Variants in SGCZ observed in about 807,000 individuals in gnomAD.
SGCZ encodes zeta-sarcoglycan.
A neutral mutation model predicts 41.3 loss-of-function variants in SGCZ; 40 were observed. That is an observed-to-expected ratio of 0.97 (90% CI 0.75 to 1.26). SGCZ has a LOEUF of 1.26. Ranked by LOEUF, SGCZ falls within the 50% of genes most tolerant of loss-of-function variation. The pLI is 0.00. For synonymous variants in SGCZ, 206 were observed against 137.5 expected (o/e 1.50, Z -3.49); for missense variants, 552 against 369.8 (o/e 1.49, Z -4.04).
intron 1 of SGCZ, among the ~76,000 whole-genome samples, chr8:14,688,582 G>T (rs1808694666): frequency 6.6e-6 from 1 of 152,150 alleles, no homozygotes; most frequent in Non-Finnish European, 1.5e-5. Context: ...GTACCATGCT[G>T]TTTTGGTTAC....
At chr8:14,574,474 C>A (rs1378289101) in intron 1 of SGCZ, among the ~76,000 whole-genome samples, 2 of 152,138 alleles carry the variant, frequency 1.3e-5, no homozygotes, top group Non-Finnish European at 2.9e-5. Context: ...CCAGAGGGAT[C>A]CTGCCATGTA....
chr8:14,285,832 G>GCAACCTT (rs1800602289), intron 3 of SGCZ, among the ~76,000 whole-genome samples: 1 of 152,056 alleles, frequency 6.6e-6, no homozygotes, highest in African/African-American at 2.4e-5. Context: ...GGCTTATACT[G>GCAACCTT]CAACCTTCAG....
chr8:14,337,691 G>A (rs911029608), intron 2 of SGCZ, among the ~76,000 whole-genome samples: 7 of 152,142 alleles, frequency 4.6e-5, no homozygotes, highest in African/African-American at 1.2e-4. Context: ...TATGATCTAT[G>A]GAAAAGCACA....
intron 1 of SGCZ, among the ~76,000 whole-genome samples, chr8:14,880,814 G>T (rs1585344727): frequency 1.3e-5 from 2 of 152,232 alleles, no homozygotes; most frequent in African/African-American, 4.8e-5. Flanking sequence ...GGGGTCAGGG[G>T]ATGGGGGTGG....
intron 1 of SGCZ, among the ~76,000 whole-genome samples, chr8:15,222,535 G>A (rs894506307): frequency 1.3e-5 from 2 of 152,188 alleles, no homozygotes; most frequent in African/African-American, 4.8e-5. Context: ...ATGATTTAAT[G>A]TATTAGCTTT....
At chr8:14,186,364 T>C (rs1269413290) in intron 4 of SGCZ, among the ~76,000 whole-genome samples, 3 of 152,314 alleles carry the variant, frequency 2.0e-5, no homozygotes, top group East Asian at 1.9e-4. Flanking sequence ...CCCATCCTAA[T>C]GTGATGGAAA....
intron 1 of SGCZ, among the ~76,000 whole-genome samples, chr8:14,725,702 G>A (rs989847149): frequency 7.9e-5 from 12 of 152,076 alleles, no homozygotes; most frequent in Non-Finnish European, 1.2e-4. Flanking sequence ...TTTGGACAAC[G>A]ATATCAAGGG....
chr8:15,139,082 C>A (rs1436217311), intron 1 of SGCZ, among the ~76,000 whole-genome samples: 3 of 152,150 alleles, frequency 2.0e-5, no homozygotes, highest in Non-Finnish European at 2.9e-5. Context: ...TCCTCCCTGA[C>A]AATGGGGCAA....
intron 2 of SGCZ, among the ~76,000 whole-genome samples, chr8:14,461,053 C>T (rs1800887939): frequency 6.6e-6 from 1 of 152,004 alleles, no homozygotes; most frequent in African/African-American, 2.4e-5. Flanking sequence ...ACCACACCAC[C>T]CTGAGAAAAG....
chr8:14,472,606 C>G (rs1177476110), intron 2 of SGCZ, among the ~76,000 whole-genome samples: 1 of 152,040 alleles, frequency 6.6e-6, no homozygotes, highest in Non-Finnish European at 1.5e-5. Context: ...TTTAAGCGTG[C>G]AGTGGTAAAT....
At chr8:14,203,294 G>A (rs1447859956) in intron 4 of SGCZ, among the ~76,000 whole-genome samples, 12 of 152,164 alleles carry the variant, frequency 7.9e-5, no homozygotes, top group African/African-American at 4.8e-5. Context: ...ATTGGTAAGT[G>A]CTGTTAAGAC....
chr8:14,505,771 T>C (rs1363181604), intron 2 of SGCZ, among the ~76,000 whole-genome samples: 1 of 152,120 alleles, frequency 6.6e-6, no homozygotes, highest in East Asian at 1.9e-4. Context: ...ATACTATATA[T>C]ATTTCCTAGT....
intron 2 of SGCZ, among the ~76,000 whole-genome samples, chr8:14,329,054 T>C (rs9650352): frequency 0.2 from 30,461 of 152,110 alleles, 3,767 homozygotes; most frequent in Non-Finnish European, 0.29. Context: ...TAAGAAAATA[T>C]TTTCTGCGTT....
intron 1 of SGCZ, among the ~76,000 whole-genome samples, chr8:15,198,949 T>G (rs1197364582): frequency 6.6e-6 from 1 of 152,220 alleles, no homozygotes; most frequent in African/African-American, 2.4e-5. Flanking sequence ...AAGAGCACTT[T>G]GATTCAATGT....
At chr8:14,272,829 T>G (rs1053635847) in intron 3 of SGCZ, among the ~76,000 whole-genome samples, 9 of 152,174 alleles carry the variant, frequency 5.9e-5, no homozygotes, top group African/African-American at 2.2e-4. Context: ...AAATTTTACA[T>G]TTGAATTGTT....
At chr8:14,921,980 G>C (rs1403494953) in intron 1 of SGCZ, among the ~76,000 whole-genome samples, 1 of 151,956 alleles carries the variant, frequency 6.6e-6, no homozygotes, top group African/African-American at 2.4e-5. Flanking sequence ...CAATATTTCT[G>C]GTGGTTTAAG....
chr8:14,841,878 G>C lies in SGCZ; in HGVS notation c.40-286952C>G, dbSNP rs374226629. On this transcript the variant is annotated intron_variant, in intron 1 of 7. Transcript: ENST00000382080. ...CTGTTAATGAATGAGGACAAGATGA[G>C]AACTGAGGCCACCTGACCTGCAGCC... Among the ~76,000 whole-genome samples the C allele has an allele frequency of 9.2e-5, 14 of 152,234 alleles. No homozygotes were observed. The East Asian group carries it at 2.5e-3, about 27-fold the overall frequency.
At chr8:14,411,141 T>C (rs1357898275) in intron 2 of SGCZ, among the ~76,000 whole-genome samples, 1 of 152,114 alleles carries the variant, frequency 6.6e-6, no homozygotes, top group Non-Finnish European at 1.5e-5. Context: ...TTTCTGCTAT[T>C]ATTGAGATTA....
At chr8:14,933,121 G>C (rs1051811515) in intron 1 of SGCZ, among the ~76,000 whole-genome samples, 2 of 151,974 alleles carry the variant, frequency 1.3e-5, no homozygotes, top group African/African-American at 2.4e-5. Context: ...CACCACCTAG[G>C]TAACATAGTG....
Sources: allele counts gnomAD v4.1 joint callset (sites outside exome capture counted in the v4.1 genomes callset), GRCh38; gene constraint gnomAD v4.1.1; transcripts MANE v1.5; gene names NCBI Gene and HGNC (gene_info 2026-07-23, HGNC 2026-07-21).